RABGAP1L: variants seen among roughly 807,000 people sequenced by gnomAD.
RABGAP1L encodes the protein rab GTPase-activating protein 1-like.
Under a neutral mutation model 137.7 loss-of-function variants are expected in RABGAP1L, and 63 were observed. The ratio of observed to expected loss-of-function variants is 0.46; its 90% CI spans 0.37 to 0.56. The LOEUF (loss-of-function observed/expected upper bound fraction) is 0.56, where lower values mean the gene tolerates loss of function less well. Ranked by LOEUF, RABGAP1L falls within the 20% of genes least tolerant of loss-of-function variation. The pLI, the probability that RABGAP1L is intolerant of heterozygous loss-of-function variation, is 0.00. For synonymous variants in RABGAP1L, 431 were observed against 433.7 expected (o/e 0.99, Z 0.08); for missense variants, 1,095 against 1,244.0 (o/e 0.88, Z 1.80).
intron 19 of RABGAP1L, among the ~76,000 whole-genome samples, chr1:174,906,208 G>A (rs953144192): frequency 9.2e-5 from 14 of 151,980 alleles, no homozygotes; most frequent in African/African-American, 2.9e-4. Context: ...TGGTAGAGAC[G>A]GGGTTTCACC....
At chr1:174,405,593 C>T (rs566824964) in intron 13 of RABGAP1L, among the ~76,000 whole-genome samples, 3 of 152,176 alleles carry the variant, frequency 2.0e-5, no homozygotes, top group Non-Finnish European at 4.4e-5. Context: ...CTAACCACAA[C>T]AATGAGGCAG....
chr1:174,426,774 CAA>C (rs2149182638), intron 13 of RABGAP1L, among the ~76,000 whole-genome samples: 1 of 152,072 alleles, frequency 6.6e-6, no homozygotes, highest in Non-Finnish European at 1.5e-5. Flanking sequence ...TACTTTTAGC[CAA>C]AGTCATATTT....
rs553371503 is a variant in RABGAP1L, at chr1:174,420,735, C to T, written c.1710+26590C>T. 4.8e-5 allele frequency among the ~76,000 whole-genome samples: 7 copies of T among 146,016 alleles called. No individual in the cohort carries two copies. The South Asian group carries it at 1.3e-3, about 27-fold the overall frequency. ...TGTCACCCAGGCTGGAGTGCAGTGG[C>T]GTAAGCTCGGCTCACTGCAAGCTCC... On this transcript the variant is annotated intron_variant, in intron 13 of 25. Coordinates refer to ENST00000681986, the MANE Select transcript of RABGAP1L (RefSeq NM_001366446.1).
At chr1:174,689,741 C>T (rs528869566) in intron 15 of RABGAP1L, among the ~76,000 whole-genome samples, 2 of 152,264 alleles carry the variant, frequency 1.3e-5, no homozygotes, top group African/African-American at 4.8e-5. Flanking sequence ...TGGACTTTGG[C>T]CTGGTTGGGT....
At chr1:174,348,607 C>T (rs536054741) in intron 11 of RABGAP1L, among the ~76,000 whole-genome samples, 1 of 145,398 alleles carries the variant, frequency 6.9e-6, no homozygotes, top group East Asian at 2.1e-4. Flanking sequence ...ACCCTGCGGC[C>T]TTCCGCAGTG....
At chr1:174,627,887 A>C (rs1053055633) in intron 13 of RABGAP1L, among the ~76,000 whole-genome samples, 2 of 152,106 alleles carry the variant, frequency 1.3e-5, no homozygotes. Flanking sequence ...CCTATGAGTT[A>C]CATTCTTGGT....
intron 13 of RABGAP1L, among the ~76,000 whole-genome samples, chr1:174,417,080 T>G (rs571455136): frequency 6.6e-6 from 1 of 152,264 alleles, no homozygotes; most frequent in East Asian, 1.9e-4. Flanking sequence ...GGCATTACTT[T>G]CAATGGCAAA....
intron 15 of RABGAP1L, among the ~76,000 whole-genome samples, chr1:174,688,123 C>T (rs557820845): frequency 2.6e-4 from 40 of 152,132 alleles, no homozygotes; most frequent in African/African-American, 8.9e-4. Flanking sequence ...GTTCAACTGC[C>T]TTTGTAATGA....
rs144909164 is a variant in RABGAP1L at position 174,926,699 on chromosome 1, A to G, written c.2341-30758A>G. Among the ~76,000 whole-genome samples the G allele has an allele frequency of 7.9e-5, 12 of 152,160 alleles. No individual in the cohort carries two copies. The East Asian group carries it at 2.1e-3, about 27-fold the overall frequency. On this transcript the variant is annotated intron_variant, in intron 19 of 25. Transcript: ENST00000681986. ...TAAATGACTACAATCGTCTGTAAAAAATGAAGATTTTTGCCTTTTCTAATT... is the reference window on the plus strand; with the variant it reads ...TAAATGACTACAATCGTCTGTAAAAGATGAAGATTTTTGCCTTTTCTAATT...
chr1:174,623,087 A>G (rs1572568119), intron 13 of RABGAP1L, among the ~76,000 whole-genome samples: 3 of 152,230 alleles, frequency 2.0e-5, no homozygotes. Flanking sequence ...AAAATGGTCA[A>G]CAGTGGTTCT....
chr1:174,450,167 G>A (rs1235161535), intron 13 of RABGAP1L, among the ~76,000 whole-genome samples: 2 of 152,008 alleles, frequency 1.3e-5, no homozygotes, highest in Non-Finnish European at 1.5e-5. Context: ...TAATTGTAAT[G>A]CAGATGCAGG....
chr1:174,730,045 A>C (rs1682332366), intron 17 of RABGAP1L, among the ~76,000 whole-genome samples: 1 of 152,234 alleles, frequency 6.6e-6, no homozygotes, highest in African/African-American at 2.4e-5. Flanking sequence ...AAAACATGGA[A>C]TCAATCCAGG....
At chr1:174,980,415 A>G (rs1670994771) in intron 23 of RABGAP1L, among the ~76,000 whole-genome samples, 1 of 152,340 alleles carries the variant, frequency 6.6e-6, no homozygotes. Flanking sequence ...TGTGGAGGTA[A>G]TACCTACGTA....
At chr1:174,689,061 T>C (rs374421190) in intron 15 of RABGAP1L, among the ~76,000 whole-genome samples, 6 of 152,134 alleles carry the variant, frequency 3.9e-5, no homozygotes, top group African/African-American at 1.4e-4. Flanking sequence ...TTAACCTAGA[T>C]AGTGGTTACA....
intron 5 of RABGAP1L, chr1:174,244,780 CT>C (rs1264410946): frequency 6.6e-6 from 1 of 152,162 alleles, no homozygotes; most frequent in Non-Finnish European, 1.5e-5. Flanking sequence ...TCAAAAGATA[CT>C]TTTAAAGTGT....
At chr1:174,981,486 G>C (rs1671100086) in intron 23 of RABGAP1L, among the ~76,000 whole-genome samples, 1 of 148,834 alleles carries the variant, frequency 6.7e-6, no homozygotes, top group Non-Finnish European at 1.5e-5. Flanking sequence ...TGATAATAGA[G>C]GTAGACCATA....
intron 10 of RABGAP1L, among the ~76,000 whole-genome samples, chr1:174,294,638 TA>T (rs1383182827): frequency 6.6e-6 from 1 of 152,208 alleles, no homozygotes; most frequent in African/African-American, 2.4e-5. Context: ...TCGAGACTGG[TA>T]AATAAAAAGT....
intron 18 of RABGAP1L, among the ~76,000 whole-genome samples, chr1:174,766,688 C>T (rs1191151228): frequency 6.6e-6 from 1 of 152,134 alleles, no homozygotes; most frequent in African/African-American, 2.4e-5. Context: ...GGAGTAATGC[C>T]ATCTGAATGT....
chr1:174,233,157 C>G (rs1670829789), intron 4 of RABGAP1L, among the ~76,000 whole-genome samples: 1 of 152,166 alleles, frequency 6.6e-6, no homozygotes, highest in Non-Finnish European at 1.5e-5. Flanking sequence ...ACTCCCTTCT[C>G]TCTCTCTTTC....
Sources: allele counts gnomAD v4.1 joint callset (sites outside exome capture counted in the v4.1 genomes callset), GRCh38; gene constraint gnomAD v4.1.1; transcripts MANE v1.5; gene names NCBI Gene and HGNC (gene_info 2026-07-23, HGNC 2026-07-21).